The following LSAMP variants were observed in gnomAD, a reference collection of about 807,000 sequenced individuals.
LSAMP encodes the protein limbic system associated membrane protein, also known as limbic system-associated membrane protein.
LSAMP carries 7 observed loss-of-function variants against 38.6 expected under a neutral mutation model. The observed-to-expected ratio is 0.18, with a 90% CI of 0.10 to 0.34. LSAMP has a LOEUF of 0.34. LSAMP is among the 10% of genes least tolerant of loss of function. The pLI is 1.00. For missense variants in LSAMP, 313 were observed against 420.0 expected (o/e 0.75, Z 2.23); for synonymous variants, 154 against 166.8 (o/e 0.92, Z 0.59).
At chr3:115,853,072 A>G (rs1451267346) in intron 3 of LSAMP, among the ~76,000 whole-genome samples, 1 of 152,234 alleles carries the variant, frequency 6.6e-6, no homozygotes, top group Non-Finnish European at 1.5e-5. Context: ...CATGCAAATC[A>G]TAAAGTGCTC....
chr3:116,388,655 T>G (rs982765988), intron 1 of LSAMP, among the ~76,000 whole-genome samples: 2 of 152,202 alleles, frequency 1.3e-5, no homozygotes, highest in African/African-American at 4.8e-5. Flanking sequence ...TTCACTGTCT[T>G]CTCTCTTTCT....
intron 3 of LSAMP, among the ~76,000 whole-genome samples, chr3:115,898,598 C>CATATATATATATATATATAT (rs10527269): frequency 1.6e-4 from 23 of 141,982 alleles, no homozygotes; most frequent in African/African-American, 5.4e-4. Flanking sequence ...CATGAAGATG[C>CATATATATATATATATATAT]ATATATATAT....
intron 1 of LSAMP, among the ~76,000 whole-genome samples, chr3:116,221,672 C>T (rs1471036587): frequency 1.3e-5 from 2 of 152,154 alleles, no homozygotes; most frequent in Non-Finnish European, 2.9e-5. Flanking sequence ...TTGATATATG[C>T]AATATATTCT....
intron 3 of LSAMP, among the ~76,000 whole-genome samples, chr3:115,953,168 A>T (rs1938345724): frequency 6.6e-6 from 1 of 152,116 alleles, no homozygotes; most frequent in Non-Finnish European, 1.5e-5. Flanking sequence ...AGATGTCCTC[A>T]TCTAATTGCT....
chr3:115,903,964 G>A (rs1348480507), intron 3 of LSAMP, among the ~76,000 whole-genome samples: 1 of 152,120 alleles, frequency 6.6e-6, no homozygotes, highest in Non-Finnish European at 1.5e-5. Flanking sequence ...TCACTGATGA[G>A]TGATTCCAGA....
chr3:116,250,585 G>T (rs1047560036), intron 1 of LSAMP, among the ~76,000 whole-genome samples: 2 of 152,038 alleles, frequency 1.3e-5, no homozygotes, highest in African/African-American at 4.8e-5. Context: ...ACAAATATCA[G>T]GCCTGGTGGC....
At chr3:116,297,448 C>A (rs1486862869) in intron 1 of LSAMP, among the ~76,000 whole-genome samples, 2 of 152,102 alleles carry the variant, frequency 1.3e-5, no homozygotes, top group Non-Finnish European at 2.9e-5. Flanking sequence ...AAAACATAAA[C>A]TTTCTTTGAT....
chr3:116,020,531 C>T (rs768401717), intron 2 of LSAMP, among the ~76,000 whole-genome samples: 3 of 152,154 alleles, frequency 2.0e-5, no homozygotes, highest in Non-Finnish European at 4.4e-5. Flanking sequence ...CTCATAAGCA[C>T]TACTTGAATG....
At chr3:115,821,853 C>T (rs1270142420) in intron 6 of LSAMP, among the ~76,000 whole-genome samples, 1 of 152,120 alleles carries the variant, frequency 6.6e-6, no homozygotes, top group East Asian at 1.9e-4. Flanking sequence ...GGACCTGAGG[C>T]ATAACATTTG....
Position 116,381,770 on chromosome 3 carries a change from T to C in LSAMP, c.155+63107A>G, listed in dbSNP as rs531925247. The stretch of plus-strand genomic sequence containing the variant: ...GTTGACTACCGCAGAGACCACCTTT[T>C]AGATGTGGACTTTACTTATCTGGAT... On this transcript the variant is annotated intron_variant, in intron 1 of 6. Coordinates refer to ENST00000490035, the MANE Select transcript of LSAMP (RefSeq NM_002338.5). 2.0e-5 allele frequency among the ~76,000 whole-genome samples: 3 copies of C among 152,196 alleles called. No individual in the cohort carries two copies. In the South Asian group the frequency reaches 6.2e-4, roughly 32 times the overall value.
At chr3:115,938,525 G>A (rs993709003) in intron 3 of LSAMP, among the ~76,000 whole-genome samples, 1 of 151,878 alleles carries the variant, frequency 6.6e-6, no homozygotes, top group Non-Finnish European at 1.5e-5. Flanking sequence ...CTATGTTTAC[G>A]ACCTTATAAC....
At chr3:115,962,601 A>G (rs1482046250) in intron 3 of LSAMP, among the ~76,000 whole-genome samples, 1 of 152,174 alleles carries the variant, frequency 6.6e-6, no homozygotes, top group East Asian at 1.9e-4. Flanking sequence ...AAACAGGATA[A>G]TATATGTGAA....
At chr3:116,133,794 T>A (rs967016672) in intron 1 of LSAMP, among the ~76,000 whole-genome samples, 2 of 152,222 alleles carry the variant, frequency 1.3e-5, no homozygotes, top group African/African-American at 2.4e-5. Context: ...ATGATATCAT[T>A]TAAATAAATC....
intron 3 of LSAMP, among the ~76,000 whole-genome samples, chr3:115,869,269 G>GAGAGA (rs1559859455): frequency 7.8e-6 from 1 of 128,452 alleles, no homozygotes; most frequent in Non-Finnish European, 1.7e-5. Context: ...TCTTGGAGGG[G>GAGAGA]GAGAGAGAGA....
chr3:116,119,074 TA>T (rs978804601), intron 1 of LSAMP, among the ~76,000 whole-genome samples: 19 of 152,194 alleles, frequency 1.2e-4, no homozygotes, highest in African/African-American at 4.6e-4. Flanking sequence ...TCTGACATTA[TA>T]AAATGCCATT....
chr3:116,188,346 A>G (rs1710673163), intron 1 of LSAMP, among the ~76,000 whole-genome samples: 1 of 152,184 alleles, frequency 6.6e-6, no homozygotes. Flanking sequence ...CTATTGATTA[A>G]AGGTCTAATT....
At chr3:115,912,322 G>C (rs761145833) in intron 3 of LSAMP, among the ~76,000 whole-genome samples, 6 of 152,160 alleles carry the variant, frequency 3.9e-5, no homozygotes, top group Non-Finnish European at 8.8e-5. Flanking sequence ...TTTTATACCA[G>C]GTGTTAGACG....
intron 2 of LSAMP, among the ~76,000 whole-genome samples, chr3:116,084,955 A>ATGTG (rs10642967): frequency 1.1e-3 from 172 of 150,306 alleles, no homozygotes; most frequent in African/African-American, 1.5e-3. Context: ...TTATGTTTTG[A>ATGTG]TGTGTGTGTG....
intron 2 of LSAMP, among the ~76,000 whole-genome samples, chr3:116,032,968 AT>A (rs1940962744): frequency 6.6e-6 from 1 of 152,170 alleles, no homozygotes; most frequent in South Asian, 2.1e-4. Context: ...AATGCCACTG[AT>A]TGCGTAGAAG....
Sources: allele counts gnomAD v4.1 joint callset (sites outside exome capture counted in the v4.1 genomes callset), GRCh38; gene constraint gnomAD v4.1.1; transcripts MANE v1.5; gene names NCBI Gene and HGNC (gene_info 2026-07-23, HGNC 2026-07-21).